The following TCF7L2 variants were observed in gnomAD, a reference collection of about 807,000 sequenced individuals.
The protein encoded by TCF7L2 is transcription factor 7 like 2, also known as transcription factor 7-like 2.
In TCF7L2, 23 loss-of-function variants were observed where a neutral mutation model predicts 77.9. The observed-to-expected ratio is 0.30, with a 90% CI of 0.21 to 0.42. The LOEUF is 0.42. Ranked by LOEUF, TCF7L2 falls within the 10% of genes least tolerant of loss-of-function variation. TCF7L2 has a pLI of 1.00. For missense variants in TCF7L2, 654 were observed against 793.1 expected, an observed-to-expected ratio of 0.82 and a Z score of 2.11; for synonymous variants, 413 against 340.2, an observed-to-expected ratio of 1.21 and a Z score of -2.36.
intron 4 of TCF7L2, among the ~76,000 whole-genome samples, chr10:113,011,983 G>A (rs1268508173): frequency 4.6e-5 from 7 of 152,106 alleles, no homozygotes; most frequent in South Asian, 4.1e-4. Flanking sequence ...GAGCTTTACC[G>A]CCTCAAGTAT....
At chr10:113,142,060 C>T (rs2068480932) in intron 6 of TCF7L2, among the ~76,000 whole-genome samples, 1 of 152,142 alleles carries the variant, frequency 6.6e-6, no homozygotes, top group Non-Finnish European at 1.5e-5. Flanking sequence ...GCTGGAGTGC[C>T]GTGGCACAAT....
At chr10:113,019,689 T>C (rs1404082581) in intron 4 of TCF7L2, among the ~76,000 whole-genome samples, 1 of 152,226 alleles carries the variant, frequency 6.6e-6, no homozygotes, top group Admixed American at 6.5e-5. Flanking sequence ...AGAAAAGCAT[T>C]GTCAAAGGTG....
intron 5 of TCF7L2, among the ~76,000 whole-genome samples, chr10:113,057,362 G>C (rs562990826): frequency 8.5e-5 from 13 of 152,288 alleles, no homozygotes; most frequent in African/African-American, 2.9e-4. Flanking sequence ...GTAAAGATGG[G>C]GTTTCATCAT....
At chr10:113,104,493 C>G (rs149766289) in intron 5 of TCF7L2, among the ~76,000 whole-genome samples, 1 of 152,086 alleles carries the variant, frequency 6.6e-6, no homozygotes, top group Admixed American at 6.5e-5. Flanking sequence ...GAGATTTTAC[C>G]CCTAACGCCG....
intron 6 of TCF7L2, among the ~76,000 whole-genome samples, chr10:113,141,541 C>T (rs1245747380): frequency 6.6e-6 from 1 of 152,180 alleles, no homozygotes; most frequent in Non-Finnish European, 1.5e-5. Flanking sequence ...AGTTCATTTG[C>T]AGTGTTAAAG....
intron 5 of TCF7L2, among the ~76,000 whole-genome samples, chr10:113,140,694 C>CG (rs987850295): frequency 2.6e-5 from 4 of 152,070 alleles, no homozygotes; most frequent in East Asian, 1.9e-4. Context: ...TAGGAGCTGT[C>CG]GGGGGGTGGC....
intron 4 of TCF7L2, among the ~76,000 whole-genome samples, chr10:113,011,837 A>G (rs2046501715): frequency 6.6e-6 from 1 of 151,162 alleles, no homozygotes; most frequent in Admixed American, 6.6e-5. Flanking sequence ...GCTCTTGAGT[A>G]TTACCACCTT....
At chr10:113,144,118 GTGTGTGTGTGTGTGTGTGTA>G (rs1221294169) in intron 7 of TCF7L2, 93 bp downstream of exon 7, 1 of 922,574 alleles carries the variant, frequency 1.1e-6, no homozygotes, top group South Asian at 1.8e-5. Context: ...GTGTGTGTGT[GTGTGTGTGTGTGTGTGTGTA>G]TGTGTGTGTG....
chr10:113,119,555 G>C (rs959963249), intron 5 of TCF7L2, among the ~76,000 whole-genome samples: 1 of 152,036 alleles, frequency 6.6e-6, no homozygotes, highest in African/African-American at 2.4e-5. Context: ...TTGGCACTAA[G>C]ATCAGTCCTT....
At chr10:113,162,772 G>C (rs1016065734) in intron 13 of TCF7L2, among the ~76,000 whole-genome samples, 1 of 152,160 alleles carries the variant, frequency 6.6e-6, no homozygotes, top group Non-Finnish European at 1.5e-5. Flanking sequence ...ATGCATTTCT[G>C]CTGTCTTTGA....
chr10:112,950,984 G>C, intron 1 of TCF7L2, 39 bp downstream of exon 1: 1 of 1,582,030 alleles, frequency 6.3e-7, no homozygotes, highest in Non-Finnish European at 8.6e-7. Context: ...TTTTTTATCT[G>C]TTTCCTGGGC....
At chr10:113,091,262 T>G (rs1432397925) in intron 5 of TCF7L2, among the ~76,000 whole-genome samples, 2 of 152,230 alleles carry the variant, frequency 1.3e-5, no homozygotes, top group African/African-American at 4.8e-5. Flanking sequence ...GCACAGACCT[T>G]AAAAGCGTTT....
intron 11 of TCF7L2, among the ~76,000 whole-genome samples, chr10:113,157,414 A>C (rs1271885505): frequency 1.3e-5 from 2 of 152,126 alleles, no homozygotes; most frequent in Non-Finnish European, 2.9e-5. Flanking sequence ...CACTGCTCCC[A>C]GCCCACTCAG....
intron 4 of TCF7L2, among the ~76,000 whole-genome samples, chr10:112,966,511 G>C (rs936195982): frequency 6.6e-6 from 1 of 152,118 alleles, no homozygotes; most frequent in Non-Finnish European, 1.5e-5. Context: ...AACTCTTGGT[G>C]AACGGGTGGA....
chr10:112,980,872 C>T (rs1362530995), intron 4 of TCF7L2, among the ~76,000 whole-genome samples: 3 of 152,084 alleles, frequency 2.0e-5, no homozygotes, highest in Non-Finnish European at 4.4e-5. Context: ...GTGATCCGCC[C>T]GCCTCAGCCT....
chr10:113,116,563 A>T (rs1248641766), intron 5 of TCF7L2, among the ~76,000 whole-genome samples: 1 of 152,138 alleles, frequency 6.6e-6, no homozygotes, highest in African/African-American at 2.4e-5. Context: ...AAGCCTGGGG[A>T]TCCTTTGCTT....
chr10:113,065,396 G>A (rs2057116265), intron 5 of TCF7L2, among the ~76,000 whole-genome samples: 1 of 152,226 alleles, frequency 6.6e-6, no homozygotes, highest in Non-Finnish European at 1.5e-5. Flanking sequence ...CCCATGGTGT[G>A]AGTATACCTT....
chr10:113,131,151 T>C (rs2066538861), intron 5 of TCF7L2, among the ~76,000 whole-genome samples: 1 of 152,212 alleles, frequency 6.6e-6, no homozygotes, highest in African/African-American at 2.4e-5. Context: ...ATTTGTGATG[T>C]TATTGTATGA....
intron 5 of TCF7L2, among the ~76,000 whole-genome samples, chr10:113,127,918 A>C (rs1337085988): frequency 6.7e-6 from 1 of 150,162 alleles, no homozygotes; most frequent in Non-Finnish European, 1.5e-5. Context: ...AAAGCTAGAA[A>C]ATAAATTCTT....
Sources: allele counts gnomAD v4.1 joint callset (sites outside exome capture counted in the v4.1 genomes callset), GRCh38; gene constraint gnomAD v4.1.1; transcripts MANE v1.5; gene names NCBI Gene and HGNC (gene_info 2026-07-23, HGNC 2026-07-21).